The following PACSIN2 variants were observed in gnomAD, a reference collection of about 807,000 sequenced individuals.
The protein encoded by PACSIN2 is protein kinase C and casein kinase substrate in neurons protein 2.
PACSIN2 carries 25 observed loss-of-function variants against 63.8 expected under a neutral mutation model. The observed-to-expected ratio is 0.39, with a 90% confidence interval of 0.29 to 0.55. The LOEUF (loss-of-function observed/expected upper bound fraction) is 0.55. Among genes scored for constraint, PACSIN2 ranks in the 20% least tolerant of loss-of-function variants. The probability of loss-of-function intolerance (pLI) is 0.62; values close to 1 mark genes in which losing one functional copy is unlikely to be tolerated. For missense variants in PACSIN2, 518 were observed against 646.9 expected (o/e 0.80, Z 2.16); for synonymous variants, 255 against 256.2 (o/e 1.00, Z 0.05).
At chr22:42,991,699 A>G (rs1263116832) in intron 1 of PACSIN2, among the ~76,000 whole-genome samples, 1 of 152,126 alleles carries the variant, frequency 6.6e-6, no homozygotes, top group African/African-American at 2.4e-5. Context: ...GAAGAGATCC[A>G]AGGGCTCAGA....
intron 1 of PACSIN2, among the ~76,000 whole-genome samples, chr22:43,012,039 G>T (rs1055586384): frequency 6.6e-6 from 1 of 152,162 alleles, no homozygotes; most frequent in African/African-American, 2.4e-5. Flanking sequence ...CAGTTACTCA[G>T]GAGGCTGAGG....
chr22:42,899,375 C>T (rs1930513356), intron 2 of PACSIN2, among the ~76,000 whole-genome samples: 1 of 152,124 alleles, frequency 6.6e-6, no homozygotes, highest in Non-Finnish European at 1.5e-5. Context: ...GCAACCTCTG[C>T]CTCCCGGGTT....
chr22:42,973,429 T>C (rs1921468600), intron 1 of PACSIN2, among the ~76,000 whole-genome samples: 1 of 25,286 alleles, frequency 4.0e-5, no homozygotes, highest in South Asian at 1.3e-3. Context: ...ACCACACTGT[T>C]TTTTGTCAAC....
chr22:42,934,926 T>TA (rs1932866664), intron 1 of PACSIN2, among the ~76,000 whole-genome samples: 1 of 151,854 alleles, frequency 6.6e-6, no homozygotes. Context: ...TTCTTTTTCT[T>TA]TTTTTTTGAG....
At chr22:42,909,361 C>A in intron 2 of PACSIN2, 1 of 357,544 alleles carries the variant, frequency 2.8e-6, no homozygotes, top group Admixed American at 3.8e-5. Flanking sequence ...AACTTTTCCA[C>A]CTCAAGACCA....
intron 5 of PACSIN2, 28 bp downstream of exon 5, chr22:42,888,615 G>A (rs751757741): frequency 4.9e-5 from 79 of 1,609,244 alleles, no homozygotes; most frequent in South Asian, 4.0e-4. Flanking sequence ...GGTGACACTC[G>A]ACGTGTAAAA....
intron 1 of PACSIN2, chr22:42,993,578 T>G (rs147453469): frequency 6.6e-6 from 1 of 152,346 alleles, no homozygotes; most frequent in East Asian, 1.9e-4. Context: ...GGTCAAAATT[T>G]TATACAGAAA....
intron 1 of PACSIN2, among the ~76,000 whole-genome samples, chr22:42,959,264 T>G (rs1279854074): frequency 6.6e-6 from 1 of 152,220 alleles, no homozygotes; most frequent in Non-Finnish European, 1.5e-5. Context: ...CTTATGTGTT[T>G]GTAGATTAGA....
chr22:42,884,480 C>G lies in PACSIN2; in HGVS notation c.691G>C (p.Glu231Gln). ...TTCTCCTCGAACTGCTGGCACTGCT[C>G]AAACACCTGCTCCATGTTCTCCATG... ...QYMENMEQVF[E>Q]QCQQFEEKRL... is the part of the protein sequence containing the mutation. Residue 231 changes from glutamate to glutamine, a missense_variant, in exon 6 of 11, where the codon GAG (glutamate) becomes CAG (glutamine). By Grantham distance (29) the Glu-to-Gln change is conservative (BLOSUM62 2). Around this residue, in one of 2 missense-constraint regions of PACSIN2, gnomAD observed 507 missense variants for 612.3 expected, o/e 0.83. Coordinates refer to ENST00000263246, the MANE Select transcript of PACSIN2 (RefSeq NM_001184970.3). 4 of 1,614,198 alleles carry G rather than the reference C, an allele frequency of 2.5e-6. No individual in the cohort carries two copies. The highest frequency in any genetic ancestry group is 3.4e-6 in the Non-Finnish European group (4 of 1,179,998).
intron 1 of PACSIN2, among the ~76,000 whole-genome samples, chr22:43,006,631 A>G (rs1374566492): frequency 2.0e-5 from 3 of 152,162 alleles, no homozygotes; most frequent in Non-Finnish European, 4.4e-5. Context: ...CCTGGCCAAC[A>G]TGGTAAAACC....
intron 10 of PACSIN2, 38 bp downstream of exon 10, chr22:42,876,099 A>G: frequency 6.4e-7 from 1 of 1,568,406 alleles, no homozygotes; most frequent in Non-Finnish European, 8.7e-7. Context: ...TGCAGGTTGG[A>G]AGCCCTCCTC....
chr22:42,940,636 T>C (rs1008614816), intron 1 of PACSIN2, among the ~76,000 whole-genome samples: 2 of 152,198 alleles, frequency 1.3e-5, no homozygotes, highest in African/African-American at 4.8e-5. Context: ...TGGGTTTCCC[T>C]ATACCCAGCT....
At chr22:43,002,210 A>AC (rs1923813015) in intron 1 of PACSIN2, 1 of 151,806 alleles carries the variant, frequency 6.6e-6, no homozygotes, top group Non-Finnish European at 1.5e-5. Context: ...GGACCACACG[A>AC]CCCCCAGGCT....
At chr22:42,890,174 G>C (rs1929801302) in intron 4 of PACSIN2, among the ~76,000 whole-genome samples, 1 of 151,828 alleles carries the variant, frequency 6.6e-6, no homozygotes, top group South Asian at 2.1e-4. Flanking sequence ...GCTAATTTTT[G>C]TACTTTTAGT....
intron 1 of PACSIN2, among the ~76,000 whole-genome samples, chr22:42,943,107 AC>A (rs1366552493): frequency 6.6e-6 from 1 of 152,154 alleles, no homozygotes; most frequent in Non-Finnish European, 1.5e-5. Flanking sequence ...TAAGTCTTAC[AC>A]TTCTCTTCAT....
chr22:42,937,285 C>T (rs985752624), intron 1 of PACSIN2, among the ~76,000 whole-genome samples: 6 of 152,058 alleles, frequency 3.9e-5, no homozygotes, highest in African/African-American at 1.2e-4. Context: ...GCCATATGGG[C>T]CCCCAGAGCA....
intron 1 of PACSIN2, among the ~76,000 whole-genome samples, chr22:42,984,788 G>A (rs1275944240): frequency 1.3e-5 from 2 of 152,076 alleles, no homozygotes; most frequent in Non-Finnish European, 1.5e-5. Flanking sequence ...ACATCCCCAA[G>A]ACTAAGAGCA....
At chr22:42,949,300 C>T (rs1427290488) in intron 1 of PACSIN2, among the ~76,000 whole-genome samples, 7 of 152,148 alleles carry the variant, frequency 4.6e-5, no homozygotes, top group Non-Finnish European at 1.0e-4. Flanking sequence ...CCTTCTTGCT[C>T]CTAGTATGAC....
At chr22:42,909,217 C>T (rs529955257) in intron 2 of PACSIN2, among the ~76,000 whole-genome samples, 27 of 152,272 alleles carry the variant, frequency 1.8e-4, no homozygotes, top group African/African-American at 6.5e-4. Flanking sequence ...TGATGACCTG[C>T]CTAGTGTCTA....
Sources: allele counts gnomAD v4.1 joint callset (sites outside exome capture counted in the v4.1 genomes callset), GRCh38; gene constraint gnomAD v4.1.1; regional missense constraint gnomAD v4.1.1; transcripts MANE v1.5; gene names NCBI Gene and HGNC (gene_info 2026-07-23, HGNC 2026-07-21).